NOC3L: variants seen among roughly 807,000 people sequenced by gnomAD.
NOC3L encodes NOC3 like DNA replication regulator.
NOC3L carries 85 observed loss-of-function variants against 102.5 expected under a neutral mutation model. The ratio of observed to expected loss-of-function variants is 0.83; its 90% confidence interval spans 0.70 to 0.99. NOC3L has a LOEUF of 0.99. Among genes scored for constraint, NOC3L ranks in the 50% least tolerant of loss-of-function variants. The probability of loss-of-function intolerance (pLI) is 0.00; values close to 1 mark genes in which losing one functional copy is unlikely to be tolerated. For missense variants in NOC3L, 878 were observed against 914.9 expected (o/e 0.96, Z 0.52); for synonymous variants, 303 against 309.4 (o/e 0.98, Z 0.22).
At position 94,341,747 on chromosome 10, in the gene NOC3L, T is replaced by A. The variant is rs754627120; in HGVS notation, c.1572-2A>T. 1 of 1,533,954 alleles carries A rather than the reference T, an allele frequency of 6.5e-7. No homozygotes were observed. The highest frequency in any genetic ancestry group is 2.4e-5 in the East Asian group (1 of 42,324). Reference sequence around the variant, plus strand: ...TCCACATTTATAAGGTGAGCAAACCTGGAATCAAACAAAACAGTTAATCAG... The same window carrying A: ...TCCACATTTATAAGGTGAGCAAACCAGGAATCAAACAAAACAGTTAATCAG... On this transcript the variant is annotated splice_acceptor_variant, in intron 13 of 20. Transcript: ENST00000371361. LOFTEE classifies it high-confidence loss of function.
intron 2 of NOC3L, among the ~76,000 whole-genome samples, chr10:94,360,145 G>A (rs557487351): frequency 8.6e-5 from 13 of 151,924 alleles, no homozygotes; most frequent in Admixed American, 5.2e-4. Flanking sequence ...GTGAAACCCC[G>A]GCTCTACTAA....
chr10:94,357,543 T>G (rs2054503166), intron 3 of NOC3L: 1 of 372,026 alleles, frequency 2.7e-6, no homozygotes, highest in Admixed American at 4.5e-5. Context: ...AACTCAAACT[T>G]TGGCTACATC....
At position 94,361,825 on chromosome 10, in the gene NOC3L, A is replaced by C; in HGVS notation, c.57T>G (p.Thr19=). The C allele has an allele frequency of 1.2e-6, 2 of 1,613,594 alleles. No homozygotes were observed. The highest frequency in any genetic ancestry group is 1.7e-6 in the Non-Finnish European group (2 of 1,179,848). ...GCTTGTTTTCAAGTTTGACTTTACT[A>C]GTTTTTATTAACTTGCGAAAGCTTG... is the stretch of plus-strand genomic sequence containing the variant. The part of the protein sequence containing the change: ...QIPSFRKLIK[T]SKVKLENKLK... Residue 19 remains threonine, a synonymous_variant, in exon 2 of 21, where the codon ACT becomes ACG. Transcript: ENST00000371361.
chr10:94,340,175 T>G, intron 16 of NOC3L, 101 bp downstream of exon 16: 1 of 1,007,148 alleles, frequency 9.9e-7, no homozygotes, highest in Non-Finnish European at 1.5e-6. Context: ...GTCACCATTT[T>G]ATGTACCTGT....
Position 94,344,448 on chromosome 10 carries a change from G to A in NOC3L, c.1538C>T (p.Pro513Leu). 6.2e-7 allele frequency: 1 copy of A among 1,613,562 alleles called. No individual in the cohort carries two copies. Among genetic ancestry groups the A allele is most frequent in the Non-Finnish European group, 8.5e-7 (1 of 1,179,552 alleles). Residue 513 changes from proline to leucine, a missense_variant, in exon 13 of 21, where the codon CCT becomes CTT. By Grantham distance (98) the Pro-to-Leu change is moderately conservative (BLOSUM62 -3). Transcript: ENST00000371361. ...ACCTTCTAGAACTGCTGGCAGGAGAGGTGACCTCTGGGCCTTCTTCAATAT... is the reference window on the plus strand; with the variant it reads ...ACCTTCTAGAACTGCTGGCAGGAGAAGTGACCTCTGGGCCTTCTTCAATAT... ...FRILKKAQRSPLLPAVLEGLA... is the reference protein window; with the variant it reads ...FRILKKAQRSLLLPAVLEGLA...
the NOC3L span, chr10:94,324,898 C>A: frequency 6.2e-7 from 1 of 1,614,000 alleles, no homozygotes; most frequent in Non-Finnish European, 8.5e-7. Flanking sequence ...ACAGGCATCT[C>A]GAGAAGATAA....
chr10:94,349,280 C>T lies in NOC3L; in HGVS notation c.1227G>A (p.Val409=). The part of the protein sequence containing the change: ...LGVIKVISGF[V]KGRNYEVRPE... The stretch of plus-strand genomic sequence containing the variant: ...GCCTAACTTCGTAATTTCTGCCCTT[C>T]ACAAAACCAGAAATCACTTTAATTA... Residue 409 remains valine, a synonymous_variant, in exon 10 of 21, where the codon GTG becomes GTA. Transcript: ENST00000371361. 1 of 1,581,422 alleles carries T rather than the reference C, an allele frequency of 6.3e-7. No individual in the cohort carries two copies. Among genetic ancestry groups the T allele is most frequent in the Non-Finnish European group, 8.5e-7 (1 of 1,170,300 alleles).
At position 94,357,208 on chromosome 10, in the gene NOC3L, T is replaced by C. The variant is rs1187540945; in HGVS notation, c.474A>G (p.Lys158=). 1.2e-6 allele frequency: 2 copies of C among 1,600,016 alleles called. No individual in the cohort carries two copies. The highest frequency in any genetic ancestry group is 3.4e-5 in the Admixed American group (2 of 58,358). The change falls in exon 4 of 21, where the codon AAA becomes AAG. Residue 158 remains lysine (K), a synonymous_variant. Coordinates refer to ENST00000371361, the MANE Select transcript of NOC3L (RefSeq NM_022451.11). ...CCCTAGTCTGTGGGATTATACCACT[T>C]TTATCTTTGATAGGAAGTAAATGAA... ...ELIHLLPIKD[K]SGIIPQTREK...
At chr10:94,319,807 G>A in the NOC3L span, among the ~76,000 whole-genome samples, 5 of 150,086 alleles carry the variant, frequency 3.3e-5, no homozygotes, top group South Asian at 2.1e-4. Flanking sequence ...CTGTGGCTTC[G>A]AACTAATGTG....
At position 94,333,577 on chromosome 10, in the gene NOC3L, A is replaced by G. The variant is rs957424550; in HGVS notation, c.*600T>C. ...TCAAACTTTCCTTGAAAGTAGCTATAATAAACACTAACACCTTTTTTAAAA... is the reference window on the plus strand; with the variant it reads ...TCAAACTTTCCTTGAAAGTAGCTATGATAAACACTAACACCTTTTTTAAAA... On this transcript the variant is annotated 3_prime_UTR_variant, in exon 21 of 21. Transcript: ENST00000371361. 6.6e-6 allele frequency: 1 copy of G among 152,186 alleles called. No homozygotes were observed. Among genetic ancestry groups the G allele is most frequent in the African/African-American group, 2.4e-5 (1 of 41,444 alleles). 9.4% of individuals were successfully genotyped at this position (152,186 alleles called of 1,614,324 possible).
At chr10:94,315,314 G>A in the NOC3L span, 1 of 431,096 alleles carries the variant, frequency 2.3e-6, no homozygotes, top group South Asian at 1.7e-5. Flanking sequence ...CTTATTGGCA[G>A]GGGCCTGAGG....
the NOC3L span, among the ~76,000 whole-genome samples, chr10:94,327,333 G>T: frequency 6.6e-6 from 1 of 152,206 alleles, no homozygotes; most frequent in East Asian, 1.9e-4. Flanking sequence ...AGTGGCTCAT[G>T]CCTGTAATCC....
In NOC3L at chr10:94,346,919, C is replaced by G. The variant is rs1423915381; in HGVS notation, c.1258-363G>C. Among the ~76,000 whole-genome samples, 5 of 152,160 alleles carry G rather than the reference C, an allele frequency of 3.3e-5. 1 individual carries two copies. Among genetic ancestry groups the G allele is most frequent in the African/African-American group, 1.2e-4 (5 of 41,450 alleles). Reference sequence around the variant, plus strand: ...GAGAAGATACACAAATTGCTGGGCCCTATCCCCAGAGTTTCTGATTTAGTA... The same window carrying G: ...GAGAAGATACACAAATTGCTGGGCCGTATCCCCAGAGTTTCTGATTTAGTA... On this transcript the variant is annotated intron_variant, in intron 10 of 20. Transcript: ENST00000371361.
chr10:94,354,856 AATGCTTTTCCTTTTAGTGT>A (rs1160543942), intron 6 of NOC3L, 88 bp downstream of exon 6: 351 of 1,086,118 alleles, frequency 3.2e-4, no homozygotes, highest in Non-Finnish European at 4.5e-4. Flanking sequence ...ATGTTTAGTT[AATGCTTTTCCTTTTAGTGT>A]ATGCTTATAG....
the NOC3L span, chr10:94,322,006 C>G: frequency 6.2e-7 from 1 of 1,614,042 alleles, no homozygotes; most frequent in Non-Finnish European, 8.5e-7. Flanking sequence ...AGAGCAACCT[C>G]GAACAGTCAT....
intron 13 of NOC3L, among the ~76,000 whole-genome samples, chr10:94,342,736 A>G (rs1256096438): frequency 6.6e-6 from 1 of 151,980 alleles, no homozygotes; most frequent in Non-Finnish European, 1.5e-5. Context: ...AACCAAAAAA[A>G]AAAAAAAAAG....
Position 94,353,751 on chromosome 10 carries a change from A to G in NOC3L, c.697-694T>C, listed in dbSNP as rs530215026. Among the ~76,000 whole-genome samples, 66 of 152,364 alleles carry G rather than the reference A, an allele frequency of 4.3e-4. 1 individual carries two copies. In the South Asian group the frequency reaches 9.5e-3, roughly 22 times the overall value. On this transcript the variant is annotated intron_variant, in intron 6 of 20. Transcript: ENST00000371361. ...AAATTCTTTTTTGCTGGATTTTCCT[A>G]AAGTACGTGTGTCCTATTCTTCTAA...
chr10:94,345,412 T>G (rs2054331739), intron 11 of NOC3L, among the ~76,000 whole-genome samples: 1 of 152,096 alleles, frequency 6.6e-6, no homozygotes, highest in Non-Finnish European at 1.5e-5. Flanking sequence ...ATACAATGCA[T>G]AAAACTGGGC....
the NOC3L span, chr10:94,322,103 A>G: frequency 6.4e-7 from 1 of 1,567,766 alleles, no homozygotes; most frequent in Non-Finnish European, 8.8e-7. Flanking sequence ...TCCTCAGCAT[A>G]AATTATTGGA....
Sources: allele counts gnomAD v4.1 joint callset (sites outside exome capture counted in the v4.1 genomes callset), GRCh38; gene constraint gnomAD v4.1.1; transcripts MANE v1.5; gene names NCBI Gene and HGNC (gene_info 2026-07-23, HGNC 2026-07-21).